The following LRPPRC variants were observed in gnomAD, a reference collection of about 807,000 sequenced individuals.
The protein encoded by LRPPRC is leucine rich pentatricopeptide repeat containing.
LRPPRC carries 120 observed loss-of-function variants against 180.3 expected under a neutral mutation model. The observed-to-expected ratio is 0.67, with a 90% CI of 0.57 to 0.77. LRPPRC has a LOEUF of 0.77. Ranked by LOEUF, LRPPRC falls within the 30% of genes least tolerant of loss-of-function variation. The pLI is 0.00. For synonymous variants in LRPPRC, 723 were observed against 600.0 expected, an observed-to-expected ratio of 1.21 and a Z score of -3.00; for missense variants, 2,012 against 1,657.2, an observed-to-expected ratio of 1.21 and a Z score of -3.72.
rs761828999 is a variant in LRPPRC, at chr2:43,973,612, A to G, written c.1364T>C (p.Val455Ala). The G allele has an allele frequency of 6.2e-6, 10 of 1,610,522 alleles. 1 individual carries two copies. In the South Asian group the frequency reaches 9.9e-5, roughly 16 times the overall value. Residue 455 changes from valine (V) to alanine (A), a missense_variant, in exon 11 of 38, where the codon GTT (valine) becomes GCT (alanine). Coordinates refer to ENST00000260665, the MANE Select transcript of LRPPRC (RefSeq NM_133259.4). Reference sequence around the variant, plus strand: ...GGTAAAAGGCAAAATCTAACCTTGAACATTTTTTTCCTTCCGACGTCCAAC... The same window carrying G: ...GGTAAAAGGCAAAATCTAACCTTGAGCATTTTTTTCCTTCCGACGTCCAAC... ...LLVGRRKEKN[V>A]QGIIEILKGM...
At position 43,963,657 on chromosome 2, in the gene LRPPRC, A is replaced by G. The variant is rs886056057; in HGVS notation, c.1419T>C (p.Asp473=). The G allele has an allele frequency of 6.2e-7, 1 of 1,611,910 alleles. No individual in the cohort carries two copies. Among genetic ancestry groups the G allele is most frequent in the Admixed American group, 1.7e-5 (1 of 60,026 alleles). The change falls in exon 12 of 38, where the codon GAT becomes GAC. Residue 473 remains aspartate (D), a synonymous_variant. Coordinates refer to ENST00000260665, the MANE Select transcript of LRPPRC (RefSeq NM_133259.4). ...TCACATAATCTGTATATGTTTCCTG[A>G]TCAGGATGTACTCCCAATTCTTGCA... ...KGMQELGVHP[D]QETYTDYVIP...
chr2:43,964,831 A>G (rs1299917366), intron 11 of LRPPRC, among the ~76,000 whole-genome samples: 1 of 152,186 alleles, frequency 6.6e-6, no homozygotes, highest in African/African-American at 2.4e-5. Context: ...CGGAACAAAG[A>G]ATCTAAAAAT....
intron 8 of LRPPRC, 151 bp from the exon 9 acceptor site, chr2:43,974,446 C>A: frequency 1.2e-6 from 1 of 817,252 alleles, no homozygotes; most frequent in Non-Finnish European, 2.1e-6. Flanking sequence ...CAAATCAAAT[C>A]ATCCCCATGT....
intron 12 of LRPPRC, among the ~76,000 whole-genome samples, chr2:43,962,608 T>G (rs1304598246): frequency 6.6e-6 from 1 of 152,238 alleles, no homozygotes. Context: ...CAACCTTTGC[T>G]AATCCAATGC....
chr2:43,996,080 T>C (rs1675060172), upstream of LRPPRC: 2 of 838,922 alleles, frequency 2.4e-6, no homozygotes, highest in East Asian at 3.2e-5. Context: ...CGGATTGTTT[T>C]AGGTTGGAAG....
chr2:43,889,991 C>A, intron 36 of LRPPRC, 115 bp from the exon 37 acceptor site: 1 of 718,010 alleles, frequency 1.4e-6, no homozygotes, highest in South Asian at 1.6e-5. Flanking sequence ...CAAATGAACA[C>A]TTAACTACTT....
intron 25 of LRPPRC, among the ~76,000 whole-genome samples, chr2:43,929,055 A>G (rs1205194687): frequency 6.6e-6 from 1 of 152,200 alleles, no homozygotes; most frequent in African/African-American, 2.4e-5. Context: ...GAAAGAGAAA[A>G]TACATTTACA....
chr2:43,960,390 C>T (rs1303148066), intron 13 of LRPPRC, 151 bp downstream of exon 13: 3 of 648,710 alleles, frequency 4.6e-6, no homozygotes, highest in Non-Finnish European at 8.4e-6. Flanking sequence ...TCCAAATTAT[C>T]CACAAGTTCA....
intron 13 of LRPPRC, among the ~76,000 whole-genome samples, chr2:43,957,735 CAG>C (rs1222919230): frequency 2.0e-5 from 3 of 152,124 alleles, no homozygotes; most frequent in African/African-American, 7.2e-5. Context: ...CCAGCAGAAT[CAG>C]AGTCAGCCTG....
chr2:43,890,098 A>G (rs1670433006), intron 36 of LRPPRC: 3 of 588,388 alleles, frequency 5.1e-6, no homozygotes, highest in East Asian at 3.0e-5. Flanking sequence ...AATGACAAAT[A>G]TGGCTACATT....
chr2:43,943,581 C>T (rs188892106), intron 23 of LRPPRC, 106 bp downstream of exon 23: 10 of 931,120 alleles, frequency 1.1e-5, no homozygotes, highest in African/African-American at 8.1e-5. Context: ...GGTAAATGAC[C>T]TCCAAGGCTT....
intron 11 of LRPPRC, among the ~76,000 whole-genome samples, chr2:43,966,932 T>G (rs1230890412): frequency 6.6e-6 from 1 of 151,804 alleles, no homozygotes; most frequent in Non-Finnish European, 1.5e-5. Flanking sequence ...ACACCTGTAA[T>G]CCCAGCTACT....
At chr2:43,976,845 G>T in intron 5 of LRPPRC, 149 bp downstream of exon 5, 1 of 647,698 alleles carries the variant, frequency 1.5e-6, no homozygotes, top group Non-Finnish European at 2.7e-6. Context: ...TATATTTTAT[G>T]TAAGTCAGAT....
chr2:43,945,265 C>A, intron 22 of LRPPRC, 67 bp downstream of exon 22: 1 of 1,050,192 alleles, frequency 9.5e-7, no homozygotes, highest in Non-Finnish European at 1.5e-6. Flanking sequence ...CCATTAATAT[C>A]AATTCACATG....
At chr2:43,965,642 A>T (rs534508898) in intron 11 of LRPPRC, among the ~76,000 whole-genome samples, 1 of 152,312 alleles carries the variant, frequency 6.6e-6, no homozygotes, top group East Asian at 1.9e-4. Context: ...AAAATATATA[A>T]TAAGGAACTC....
intron 1 of LRPPRC, among the ~76,000 whole-genome samples, chr2:43,993,708 C>G (rs1040304346): frequency 1.3e-5 from 2 of 150,614 alleles, no homozygotes; most frequent in African/African-American, 4.9e-5. Flanking sequence ...AGACAAAGTC[C>G]TGCTCTCATA....
In LRPPRC at chr2:43,888,329, G is replaced by C. The variant is rs1670345264; in HGVS notation, c.*271C>G. 4 of 369,212 alleles carry C rather than the reference G, an allele frequency of 1.1e-5. No individual in the cohort carries two copies. Among genetic ancestry groups the C allele is most frequent in the South Asian group, 8.6e-5 (3 of 34,994 alleles). 22.9% of individuals were successfully genotyped at this position (369,212 alleles called of 1,614,324 possible). On this transcript the variant is annotated 3_prime_UTR_variant, in exon 38 of 38. Coordinates refer to ENST00000260665, the MANE Select transcript of LRPPRC (RefSeq NM_133259.4). ...AATGAAACAGAGCAGGGAAACCAAA[G>C]AGCCAATTAGGGGAAGAATCCTGAA...
intron 30 of LRPPRC, 129 bp downstream of exon 30, chr2:43,912,303 T>C (rs925345229): frequency 7.6e-6 from 6 of 790,754 alleles, no homozygotes; most frequent in East Asian, 2.5e-5. Context: ...CCATTTCATA[T>C]GATTTTTATG....
At chr2:43,929,669 T>C (rs757343358) in intron 25 of LRPPRC, among the ~76,000 whole-genome samples, 1 of 152,208 alleles carries the variant, frequency 6.6e-6, no homozygotes, top group Non-Finnish European at 1.5e-5. Context: ...CAACTATATT[T>C]ATCCCCATAG....
Sources: allele counts gnomAD v4.1 joint callset (sites outside exome capture counted in the v4.1 genomes callset), GRCh38; gene constraint gnomAD v4.1.1; transcripts MANE v1.5; gene names NCBI Gene and HGNC (gene_info 2026-07-23, HGNC 2026-07-21).